NEB: variants seen among roughly 807,000 people sequenced by gnomAD.
The protein encoded by NEB is nemaline myopathy type 2.
Under a neutral mutation model 952.2 loss-of-function variants are expected in NEB, and 512 were observed. That is an observed-to-expected ratio of 0.54 (90% CI 0.50 to 0.58). NEB has a LOEUF of 0.58. Among genes scored for constraint, NEB ranks in the 20% least tolerant of loss-of-function variants. The pLI is 0.00. For missense variants in NEB, 8,428 were observed against 9,231.1 expected (o/e 0.91, Z 3.56); for synonymous variants, 2,900 against 3,149.8 (o/e 0.92, Z 2.66).
At position 151,688,517 on chromosome 2, in the gene NEB, C is replaced by T. The variant is rs907998763; in HGVS notation, c.2311-121G>A. ...AAATGCCTCAAAGAGATACTCAATT[C>T]AGTCAAAGTCTCGCACAGGATTCAA... On this transcript the variant is annotated intron_variant, in intron 24 of 181. Transcript: ENST00000397345. 4.1e-6 allele frequency: 3 copies of T among 729,712 alleles called. No homozygotes were observed. The African/African-American group carries it at 5.2e-5, about 13-fold the overall frequency. 45.2% of individuals were successfully genotyped at this position (729,712 alleles called of 1,614,324 possible). A position where few individuals can be genotyped will look rare whatever the true frequency, so the allele number is the denominator to read the frequency against.
rs567047486 is a variant in NEB, at chr2:151,677,406, GC to G, written c.3774+158del. Among the ~76,000 whole-genome samples, 163 of 152,202 alleles carry G rather than the reference GC, an allele frequency of 1.1e-3. 1 individual carries two copies. The highest frequency in any genetic ancestry group is 3.4e-3 in the African/African-American group (141 of 41,500). ...AAGCAAGAGAGAAGAAAATGTTAGT[GC>G]CCAAACTACACATAACTGTAATTTT... On this transcript the variant is annotated intron_variant, in intron 34 of 181. Transcript: ENST00000397345.
At chr2:151,687,365 C>T in intron 27 of NEB, 54 bp downstream of exon 27, 2 of 1,453,392 alleles carry the variant, frequency 1.4e-6, no homozygotes, top group East Asian at 2.3e-5. Flanking sequence ...TACCCTTGGG[C>T]ATCGTAACAG....
intron 56 of NEB, 96 bp downstream of exon 56, chr2:151,644,372 T>C: frequency 8.1e-7 from 1 of 1,230,034 alleles, no homozygotes; most frequent in African/African-American, 1.5e-5. Context: ...TGTAATTTGT[T>C]ACCCCTTAGA....
At position 151,697,563 on chromosome 2, in the gene NEB, A is replaced by C; in HGVS notation, c.1238T>G (p.Leu413Arg). The C allele has an allele frequency of 6.2e-7, 1 of 1,612,978 alleles. No homozygotes were observed. Among genetic ancestry groups the C allele is most frequent in the African/African-American group, 1.3e-5 (1 of 74,900 alleles). The change falls in exon 14 of 182, where the codon CTG becomes CGG. Residue 413 changes from leucine to arginine, a missense_variant. Physicochemically the swap from Leu to Arg is moderately radical, Grantham distance 102. This residue lies in a region of NEB where 2,851 missense variants were observed against 2,791.5 expected (regional missense o/e 1.02). Transcript: ENST00000397345. ...GCTTACATCACTACTGAAGTTCTGC[A>C]GAACAGTATCGAGCTTGAATTTGGG... is the stretch of plus-strand genomic sequence containing the variant. ...ETPKFKLDTVLQNFSSDKKYK... is the reference protein window; with the variant it reads ...ETPKFKLDTVRQNFSSDKKYK...
chr2:151,525,046 CTT>C, intron 151 of NEB, 115 bp downstream of exon 151: 1 of 810,680 alleles, frequency 1.2e-6, no homozygotes, highest in South Asian at 1.5e-5. Context: ...TCGCCACTAA[CTT>C]TTTGAAACTA....
chr2:151,644,659 G>A, intron 55 of NEB, 84 bp from the exon 56 acceptor site: 1 of 1,144,910 alleles, frequency 8.7e-7, no homozygotes, highest in Non-Finnish European at 1.3e-6. Context: ...TAAATATTTT[G>A]AGTCCATGAG....
At position 151,633,949 on chromosome 2, in the gene NEB, C is replaced by T; in HGVS notation, c.9119G>A (p.Gly3040Asp). 6.2e-7 allele frequency: 1 copy of T among 1,612,896 alleles called. No homozygotes were observed. The highest frequency in any genetic ancestry group is 8.5e-7 in the Non-Finnish European group (1 of 1,179,082). ...DIISDYKYKDGYCKQLGHHIG... is the reference protein window; with the variant it reads ...DIISDYKYKDDYCKQLGHHIG... ...ATGGTGGCCAAGTTGCTTGCAGTAA[C>T]CATCTTTATATTTGTACTAAAATGA... The change falls in exon 65 of 182, where the codon GGT (glycine) becomes GAT (aspartate). Residue 3040 changes from glycine (G) to aspartate (D), a missense_variant. Physicochemically the swap from Gly to Asp is moderately conservative, Grantham distance 94 (BLOSUM62 -1). Coordinates refer to ENST00000397345, the MANE Select transcript of NEB (RefSeq NM_001164508.2).
In NEB at chr2:151,679,999, C is replaced by T; in HGVS notation, c.3066G>A (p.Glu1022=). The change falls in exon 31 of 182, where the codon GAG becomes GAA. Residue 1022 remains glutamate (E), a synonymous_variant. Coordinates refer to ENST00000397345, the MANE Select transcript of NEB (RefSeq NM_001164508.2). The part of the protein sequence containing the change: ...RSDIAYKAKG[E]EIIHKYNLPP... ...GCAGGTTGTATTTGTGAATAATTTCCTCTCCTTTGGCTTTGTAAGCGATCT... is the reference window on the plus strand; with the variant it reads ...GCAGGTTGTATTTGTGAATAATTTCTTCTCCTTTGGCTTTGTAAGCGATCT... 1 of 1,612,386 alleles carries T rather than the reference C, an allele frequency of 6.2e-7. No homozygotes were observed. Among genetic ancestry groups the T allele is most frequent in the Non-Finnish European group, 8.5e-7 (1 of 1,178,452 alleles).
intron 9 of NEB, among the ~76,000 whole-genome samples, chr2:151,718,144 C>T (rs1559581479): frequency 6.6e-6 from 1 of 152,146 alleles, no homozygotes; most frequent in Admixed American, 6.5e-5. Context: ...TGAGCCACCG[C>T]GCCTGGCCAA....
intron 10 of NEB, among the ~76,000 whole-genome samples, chr2:151,711,378 T>C (rs2099744771): frequency 6.6e-6 from 1 of 152,164 alleles, no homozygotes; most frequent in Admixed American, 6.5e-5. Flanking sequence ...CAGACATAAC[T>C]AATGGGTCTC....
intron 17 of NEB, 89 bp downstream of exon 17, chr2:151,696,548 T>C: frequency 1.0e-6 from 1 of 999,390 alleles, no homozygotes; most frequent in South Asian, 1.4e-5. Context: ...GCCTTTTGAA[T>C]AAACTTGATA....
intron 162 of NEB, chr2:151,507,663 A>C: frequency 4.2e-6 from 1 of 236,764 alleles, no homozygotes; most frequent in Non-Finnish European, 8.3e-6. Context: ...TTCTTTGGGT[A>C]GTCATTTCTG....
At chr2:151,640,801 T>C (rs1277596840) in intron 60 of NEB, 135 bp from the exon 61 acceptor site, 2 of 776,582 alleles carry the variant, frequency 2.6e-6, no homozygotes, top group East Asian at 5.5e-5. Flanking sequence ...GTAGAAACAA[T>C]TTAGAAAATA....
chr2:151,485,565 T>C lies in NEB; in HGVS notation c.*195A>G. The C allele has an allele frequency of 2.3e-6, 1 of 438,898 alleles. No individual in the cohort carries two copies. The highest frequency in any genetic ancestry group is 3.9e-5 in the Admixed American group (1 of 25,378). The allele number at this position is 438,898 out of a possible 1,614,324, so 27.2% of individuals were successfully genotyped here. On this transcript the variant is annotated 3_prime_UTR_variant, in exon 182 of 182. Transcript: ENST00000397345. ...AAGACTCTAGGCACAGAAATAATAT[T>C]GCAGAAGCTTTTAAAGTGTCTGTTC... is the stretch of plus-strand genomic sequence containing the variant.
chr2:151,570,049 A>C (rs146843924), intron 109 of NEB, 32 bp downstream of exon 109: 1 of 1,572,646 alleles, frequency 6.4e-7, no homozygotes, highest in East Asian at 2.3e-5. Context: ...CAAACTGAGA[A>C]AAGAGTTCAA....
At position 151,519,654 on chromosome 2, in the gene NEB, A is replaced by G. The variant is rs767643307; in HGVS notation, c.22590+4T>C. ...TATATTTTACCACAATTTTAGAAACATACCTCACTTGCAAGATTATTAGCA... is the reference window on the plus strand; with the variant it reads ...TATATTTTACCACAATTTTAGAAACGTACCTCACTTGCAAGATTATTAGCA... On this transcript the variant is annotated splice_donor_region_variant and intron_variant, in intron 154 of 181. Transcript: ENST00000397345. 18 of 1,593,862 alleles carry G rather than the reference A, an allele frequency of 1.1e-5. No individual in the cohort carries two copies. The highest frequency in any genetic ancestry group is 1.5e-5 in the Non-Finnish European group (17 of 1,162,360).
At position 151,537,872 on chromosome 2, in the gene NEB, A is replaced by G. The variant is rs531711771; in HGVS notation, c.21102T>C (p.Asp7034=). ...HHRAVTDTVS[D]VKYKEDLTWL... Reference sequence around the variant, plus strand: ...GAAAATAGAAGATGTCAACACTCACATCACTGACTGTGTCAGTGACTGCTC... The same window carrying G: ...GAAAATAGAAGATGTCAACACTCACGTCACTGACTGTGTCAGTGACTGCTC... The change falls in exon 140 of 182, where the codon GAT becomes GAC. Residue 7034 remains aspartate (D), a splice_region_variant and synonymous_variant. Coordinates refer to ENST00000397345, the MANE Select transcript of NEB (RefSeq NM_001164508.2). 1 of 1,584,788 alleles carries G rather than the reference A, an allele frequency of 6.3e-7. No homozygotes were observed. The highest frequency in any genetic ancestry group is 1.1e-5 in the South Asian group (1 of 87,010).
At chr2:151,549,612 C>T (rs1388059847) in intron 130 of NEB, 24 bp downstream of exon 130, 4 of 1,480,896 alleles carry the variant, frequency 2.7e-6, no homozygotes, top group Non-Finnish European at 3.7e-6. Context: ...TCAGACCCAT[C>T]TCAATGAGGA....
intron 8 of NEB, 78 bp from the exon 9 acceptor site, chr2:151,723,564 T>C: frequency 9.4e-7 from 1 of 1,061,886 alleles, no homozygotes; most frequent in Non-Finnish European, 1.4e-6. Context: ...AATTCATCCA[T>C]TAATAACCTA....
Sources: gnomAD v4.1 joint callset for allele counts (sites outside exome capture counted in the v4.1 genomes callset) on GRCh38, gnomAD v4.1.1 for gene constraint, gnomAD v4.1.1 regional missense constraint, MANE v1.5 for transcripts, NCBI Gene and HGNC (gene_info 2026-07-23, HGNC 2026-07-21) for gene names.